ANKRD6: variants seen among roughly 807,000 people sequenced by gnomAD.
ANKRD6 encodes ankyrin repeat domain-containing protein 6.
A neutral mutation model predicts 82.3 loss-of-function variants in ANKRD6; 56 were observed. The ratio of observed to expected loss-of-function variants is 0.68; its 90% confidence interval spans 0.55 to 0.85. The LOEUF (loss-of-function observed/expected upper bound fraction) is 0.85. ANKRD6 is among the 40% of genes least tolerant of loss of function. The probability of loss-of-function intolerance (pLI) is 0.00; values close to 1 mark genes in which losing one functional copy is unlikely to be tolerated. For synonymous variants in ANKRD6, 347 were observed against 352.1 expected (o/e 0.99, Z 0.16); for missense variants, 852 against 907.6 (o/e 0.94, Z 0.79).
At chr6:89,477,134 CG>C (rs1776138829) in intron 1 of ANKRD6, among the ~76,000 whole-genome samples, 1 of 151,842 alleles carries the variant, frequency 6.6e-6, no homozygotes, top group Non-Finnish European at 1.5e-5. Context: ...TTAGTAGAGA[CG>C]GGGTTTCACC....
intron 1 of ANKRD6, among the ~76,000 whole-genome samples, chr6:89,558,293 T>C (rs899754729): frequency 2.6e-5 from 4 of 152,176 alleles, no homozygotes; most frequent in African/African-American, 7.2e-5. Flanking sequence ...TTATTTGTAA[T>C]TGCTGAAACT....
At chr6:89,602,855 T>C (rs1797554897) in intron 3 of ANKRD6, 174 bp from the exon 4 acceptor site, 1 of 569,108 alleles carries the variant, frequency 1.8e-6, no homozygotes, top group African/African-American at 1.9e-5. Flanking sequence ...GTGCGTTGTC[T>C]ACTAACAAGA....
rs1795785053 is a variant in ANKRD6, at chr6:89,595,918, T to G, written c.123T>G (p.His41Gln). ...NKGARVAVTK[H>Q]GRTPLHLAAN... Reference sequence around the variant, plus strand: ...CATTGTTCATTTTGCATTCACAGCATGGCCGGACTCCCCTGCATCTTGCTG... The same window carrying G: ...CATTGTTCATTTTGCATTCACAGCAGGGCCGGACTCCCCTGCATCTTGCTG... The change falls in exon 3 of 16, where the codon CAT (histidine) becomes CAG (glutamine). Residue 41 changes from histidine (H) to glutamine (Q), a missense_variant and splice_region_variant. Transcript: ENST00000339746. 1 of 1,606,286 alleles carries G rather than the reference T, an allele frequency of 6.2e-7. No individual in the cohort carries two copies. The highest frequency in any genetic ancestry group is 8.5e-7 in the Non-Finnish European group (1 of 1,176,280).
At chr6:89,576,931 AT>A (rs1791243057) in intron 2 of ANKRD6, among the ~76,000 whole-genome samples, 1 of 151,182 alleles carries the variant, frequency 6.6e-6, no homozygotes, top group Admixed American at 6.6e-5. Flanking sequence ...GGCATTTTTT[AT>A]TTTTTATTTT....
chr6:89,624,194 C>G, intron 12 of ANKRD6, 137 bp downstream of exon 12: 1 of 1,010,684 alleles, frequency 9.9e-7, no homozygotes, highest in South Asian at 1.7e-5. Flanking sequence ...AGCCAGATGG[C>G]CTCCCCACCT....
chr6:89,572,186 C>A (rs764295573), intron 2 of ANKRD6, among the ~76,000 whole-genome samples: 80 of 152,226 alleles, frequency 5.3e-4, no homozygotes, highest in Non-Finnish European at 9.8e-4. Context: ...TGAAGGACAT[C>A]TTGGTTGCTT....
Position 89,567,022 on chromosome 6 carries a change from G to C in ANKRD6, c.46G>C (p.Val16Leu). 2 of 1,606,272 alleles carry C rather than the reference G, an allele frequency of 1.2e-6. No individual in the cohort carries two copies. Among genetic ancestry groups the C allele is most frequent in the Non-Finnish European group, 1.7e-6 (2 of 1,176,280 alleles). Residue 16 changes from valine (V) to leucine (L), a missense_variant, in exon 2 of 16, where the codon GTA (valine) becomes CTA (leucine). Val to Leu is a conservative substitution (Grantham distance 32). Transcript: ENST00000339746. ...CGCTGCACTTTCAGAGCGCCTTCTCGTAGCTGCGTACAAAGGCCAAACAGA... is the reference window on the plus strand; with the variant it reads ...CGCTGCACTTTCAGAGCGCCTTCTCCTAGCTGCGTACAAAGGCCAAACAGA... ...AVAALSERLL[V>L]AAYKGQTENV...
At chr6:89,455,001 CA>C (rs1252107914) in intron 1 of ANKRD6, among the ~76,000 whole-genome samples, 2 of 151,934 alleles carry the variant, frequency 1.3e-5, no homozygotes, top group East Asian at 3.9e-4. Flanking sequence ...CCATGATGCT[CA>C]TCTAATTTTT....
intron 1 of ANKRD6, among the ~76,000 whole-genome samples, chr6:89,473,372 C>T (rs1194098058): frequency 6.0e-5 from 9 of 150,468 alleles, no homozygotes; most frequent in African/African-American, 2.2e-4. Flanking sequence ...CATTGCACTC[C>T]AGCCTGGGCG....
intron 1 of ANKRD6, among the ~76,000 whole-genome samples, chr6:89,558,625 CTT>C (rs1307621552): frequency 6.6e-6 from 1 of 152,120 alleles, no homozygotes; most frequent in Non-Finnish European, 1.5e-5. Context: ...TGAAACTACT[CTT>C]TGTGGTACTT....
chr6:89,630,573 G>T lies in ANKRD6; in HGVS notation c.1753G>T (p.Gly585Cys), dbSNP rs1198721192. Residue 585 changes from glycine to cysteine, a missense_variant, in exon 16 of 16, where the codon GGC (glycine) becomes TGC (cysteine). Physicochemically the swap from Gly to Cys is radical, Grantham distance 159. Transcript: ENST00000339746. ...QQELSSSDCT[G>C]SRLRNVKVQT... ...GGAGCTGTCGTCTTCTGACTGTACA[G>T]GCTCCCGACTGAGAAACGTCAAGGT... 1 of 1,613,828 alleles carries T rather than the reference G, an allele frequency of 6.2e-7. No individual in the cohort carries two copies. The highest frequency in any genetic ancestry group is 8.5e-7 in the Non-Finnish European group (1 of 1,179,848).
At chr6:89,528,018 C>G (rs1171553832) in intron 1 of ANKRD6, among the ~76,000 whole-genome samples, 1 of 152,122 alleles carries the variant, frequency 6.6e-6, no homozygotes, top group Non-Finnish European at 1.5e-5. Context: ...ACTATGTTGC[C>G]CAAGCTGATC....
chr6:89,466,004 G>A (rs1457047943), intron 1 of ANKRD6, among the ~76,000 whole-genome samples: 3 of 152,130 alleles, frequency 2.0e-5, no homozygotes, highest in East Asian at 1.9e-4. Flanking sequence ...TAGGAAATGA[G>A]CAGAAAAGAA....
chr6:89,508,221 G>A (rs889248772), intron 1 of ANKRD6, among the ~76,000 whole-genome samples: 5 of 152,160 alleles, frequency 3.3e-5, no homozygotes, highest in African/African-American at 1.2e-4. Context: ...CTGGCTCAAG[G>A]TCCCTTGTGA....
chr6:89,494,224 A>G (rs1778348951), intron 1 of ANKRD6, among the ~76,000 whole-genome samples: 1 of 152,198 alleles, frequency 6.6e-6, no homozygotes, highest in South Asian at 2.1e-4. Flanking sequence ...GAAGATTACT[A>G]AGAGGAGACA....
intron 2 of ANKRD6, among the ~76,000 whole-genome samples, chr6:89,567,886 G>A (rs56329342): frequency 0.075 from 11,345 of 152,266 alleles, 539 homozygotes; most frequent in Middle Eastern, 0.16. Flanking sequence ...GTCTGGCTCC[G>A]AAGCCCAACC....
At chr6:89,558,889 A>G (rs896264546) in intron 1 of ANKRD6, among the ~76,000 whole-genome samples, 3 of 152,182 alleles carry the variant, frequency 2.0e-5, no homozygotes, top group Non-Finnish European at 4.4e-5. Context: ...AAATCGCTCT[A>G]AAAGTCTATC....
chr6:89,471,577 G>C (rs980390599), intron 1 of ANKRD6, among the ~76,000 whole-genome samples: 10 of 151,224 alleles, frequency 6.6e-5, no homozygotes, highest in African/African-American at 2.4e-4. Context: ...AGAGTGGCCG[G>C]AAAGTTAGGA....
At chr6:89,614,575 G>A (rs1051807649) in intron 7 of ANKRD6, among the ~76,000 whole-genome samples, 26 of 152,284 alleles carry the variant, frequency 1.7e-4, no homozygotes, top group African/African-American at 6.3e-4. Context: ...GAACCCAGGA[G>A]GCAGAGGTTG....
Sources: gnomAD v4.1 joint callset for allele counts (sites outside exome capture counted in the v4.1 genomes callset) on GRCh38, gnomAD v4.1.1 for gene constraint, MANE v1.5 for transcripts, NCBI Gene and HGNC (gene_info 2026-07-23, HGNC 2026-07-21) for gene names.